The following NCOA3 variants were observed in gnomAD, a reference collection of about 807,000 sequenced individuals.
NCOA3 encodes nuclear receptor coactivator 3, also known as CBP-interacting protein.
Under a neutral mutation model 158.8 loss-of-function variants are expected in NCOA3, and 51 were observed. The observed-to-expected ratio is 0.32, with a 90% CI of 0.26 to 0.41. NCOA3 has a LOEUF of 0.41. NCOA3 is among the 10% of genes least tolerant of loss of function. The pLI is 1.00. For missense variants in NCOA3, 1,510 were observed against 1,746.6 expected (o/e 0.86, Z 2.41); for synonymous variants, 537 against 592.4 (o/e 0.91, Z 1.36).
At chr20:47,611,484 T>C (rs2086041905) in intron 2 of NCOA3, among the ~76,000 whole-genome samples, 1 of 152,188 alleles carries the variant, frequency 6.6e-6, no homozygotes, top group Non-Finnish European at 1.5e-5. Flanking sequence ...TAAAAAATGG[T>C]ACACAATACT....
intron 4 of NCOA3, 122 bp from the exon 5 acceptor site, chr20:47,625,259 T>C (rs1314489223): frequency 6.4e-6 from 4 of 629,298 alleles, no homozygotes; most frequent in Non-Finnish European, 1.1e-5. Flanking sequence ...TGAGGAAATG[T>C]TTTGTATGTA....
chr20:47,527,794 A>G (rs929680920), intron 1 of NCOA3, among the ~76,000 whole-genome samples: 4 of 152,090 alleles, frequency 2.6e-5, no homozygotes, highest in Admixed American at 2.0e-4. Context: ...ATATTCTCCT[A>G]TGTTTTAGCC....
Position 47,652,388 on chromosome 20 carries a change from CTGTTT to C in NCOA3, c.3947-16_3947-12del, listed in dbSNP as rs753126878. The C allele has an allele frequency of 1.6e-5, 25 of 1,574,624 alleles. No homozygotes were observed. The highest frequency in any genetic ancestry group is 1.7e-4 in the Middle Eastern group (1 of 5,966). The stretch of plus-strand genomic sequence containing the variant: ...AGGCATTTGGGCATTTTTATTTCTT[CTGTTT>C]TATTTTTGTAAGGAATGGGACAACA... On this transcript the variant is annotated splice_polypyrimidine_tract_variant and intron_variant, in intron 20 of 22. Coordinates refer to ENST00000371998, the MANE Select transcript of NCOA3 (RefSeq NM_181659.3).
chr20:47,608,612 C>G (rs2146272526), intron 2 of NCOA3, among the ~76,000 whole-genome samples: 1 of 145,460 alleles, frequency 6.9e-6, no homozygotes, highest in Middle Eastern at 3.6e-3. Context: ...GCACTCCAGC[C>G]TGGGTGACAG....
In NCOA3 at chr20:47,639,063, G is replaced by T; in HGVS notation, c.2568G>T (p.Val856=). 6.2e-7 allele frequency: 1 copy of T among 1,614,158 alleles called. No individual in the cohort carries two copies. The highest frequency in any genetic ancestry group is 8.5e-7 in the Non-Finnish European group (1 of 1,180,036). ...TTCGTCCTCCATATAACCGAGCAGTGTCTCTGGATAGCCCTGTTTCTGTTG... is the reference window on the plus strand; with the variant it reads ...TTCGTCCTCCATATAACCGAGCAGTTTCTCTGGATAGCCCTGTTTCTGTTG... ...QSIRPPYNRA[V]SLDSPVSVGS... is the part of the protein sequence containing the mutation. Residue 856 remains valine, a synonymous_variant, in exon 14 of 23, where the codon GTG becomes GTT. Coordinates refer to ENST00000371998, the MANE Select transcript of NCOA3 (RefSeq NM_181659.3).
intron 1 of NCOA3, among the ~76,000 whole-genome samples, chr20:47,568,852 G>A (rs2085244586): frequency 6.6e-6 from 1 of 152,028 alleles, no homozygotes; most frequent in Admixed American, 6.6e-5. Flanking sequence ...CATTTAGTAA[G>A]CTGTAAATCT....
At position 47,541,023 on chromosome 20, in the gene NCOA3, A is replaced by C. The variant is rs537875631; in HGVS notation, c.-99+39004A>C. Among the ~76,000 whole-genome samples the C allele has an allele frequency of 6.6e-5, 10 of 152,240 alleles. 1 individual carries two copies. The East Asian group carries it at 1.5e-3, about 23-fold the overall frequency. On this transcript the variant is annotated intron_variant, in intron 1 of 22. Coordinates refer to ENST00000371998, the MANE Select transcript of NCOA3 (RefSeq NM_181659.3). ...TAATTTTTTTAAATCTCCATATGAG[A>C]GTGCAGGAGCTACTACCCCAGAGAA... is the stretch of plus-strand genomic sequence containing the variant.
intron 2 of NCOA3, among the ~76,000 whole-genome samples, chr20:47,589,796 G>T (rs1302788118): frequency 6.6e-6 from 1 of 152,074 alleles, no homozygotes; most frequent in Non-Finnish European, 1.5e-5. Flanking sequence ...GTCATCTCTT[G>T]TTCAGGTTCC....
chr20:47,556,916 AAC>A (rs1297579477), intron 1 of NCOA3, among the ~76,000 whole-genome samples: 5 of 152,346 alleles, frequency 3.3e-5, no homozygotes, highest in Non-Finnish European at 5.9e-5. Context: ...TGCATATATA[AAC>A]ACACAGTTTT....
At chr20:47,528,789 T>C (rs1365496705) in intron 1 of NCOA3, among the ~76,000 whole-genome samples, 1 of 152,246 alleles carries the variant, frequency 6.6e-6, no homozygotes, top group Non-Finnish European at 1.5e-5. Flanking sequence ...CTTTTTCTTT[T>C]TGAAACGGAG....
chr20:47,605,013 G>A (rs1258489224), intron 2 of NCOA3, among the ~76,000 whole-genome samples: 1 of 152,048 alleles, frequency 6.6e-6, no homozygotes, highest in Non-Finnish European at 1.5e-5. Flanking sequence ...GACTACAGGC[G>A]CATGCCACTA....
At chr20:47,530,389 T>G (rs2084525169) in intron 1 of NCOA3, among the ~76,000 whole-genome samples, 1 of 151,984 alleles carries the variant, frequency 6.6e-6, no homozygotes, top group Admixed American at 6.6e-5. Context: ...AGGAGAAAAT[T>G]GAGACAAAGT....
At chr20:47,631,967 G>C (rs942721772) in intron 8 of NCOA3, among the ~76,000 whole-genome samples, 3 of 152,178 alleles carry the variant, frequency 2.0e-5, no homozygotes, top group Admixed American at 1.3e-4. Context: ...TCTGACATAA[G>C]CTGGGTGCCC....
At position 47,627,055 on chromosome 20, in the gene NCOA3, A is replaced by G; in HGVS notation, c.411A>G (p.Val137=). 2 of 1,613,728 alleles carry G rather than the reference A, an allele frequency of 1.2e-6. No homozygotes were observed. The highest frequency in any genetic ancestry group is 1.7e-6 in the Non-Finnish European group (2 of 1,179,712). ...VVNRDGNIVF[V]SENVTQYLQY... is the part of the protein sequence containing the mutation. The stretch of plus-strand genomic sequence containing the variant: ...ATCGAGACGGAAACATTGTATTTGT[A>G]TCAGAAAATGTCACACAATACCTGC... Residue 137 remains valine, a synonymous_variant, in exon 6 of 23, where the codon GTA becomes GTG. Transcript: ENST00000371998.
At chr20:47,527,049 C>A (rs2146097932) in intron 1 of NCOA3, among the ~76,000 whole-genome samples, 1 of 152,158 alleles carries the variant, frequency 6.6e-6, no homozygotes, top group South Asian at 2.1e-4. Context: ...GTATTTTTGC[C>A]TAATATATTA....
In NCOA3 at chr20:47,637,678, A is replaced by G. The variant is rs1194679122; in HGVS notation, c.2407A>G (p.Ile803Val). The part of the protein sequence containing the change: ...GSGDLDNLDA[I>V]LGDLTSSDFY... ...TGGAGACTTGGATAATCTAGATGCT[A>G]TTCTTGGTGATCTGACTAGTTCTGA... is the stretch of plus-strand genomic sequence containing the variant. Residue 803 changes from isoleucine to valine, a missense_variant, in exon 13 of 23, where the codon ATT (isoleucine) becomes GTT (valine). By Grantham distance (29) the Ile-to-Val change is conservative (BLOSUM62 3). Coordinates refer to ENST00000371998, the MANE Select transcript of NCOA3 (RefSeq NM_181659.3). 4 of 1,609,520 alleles carry G rather than the reference A, an allele frequency of 2.5e-6. No individual in the cohort carries two copies. The highest frequency in any genetic ancestry group is 3.4e-6 in the Non-Finnish European group (4 of 1,178,280).
chr20:47,546,322 T>C (rs1205940522), intron 1 of NCOA3, among the ~76,000 whole-genome samples: 2 of 152,180 alleles, frequency 1.3e-5, no homozygotes, highest in Non-Finnish European at 1.5e-5. Flanking sequence ...CTGTGAGTTA[T>C]TGTAATAACA....
At position 47,636,036 on chromosome 20, in the gene NCOA3, C is replaced by A. The variant is rs780207697; in HGVS notation, c.1650C>A (p.Asn550Lys). Residue 550 changes from asparagine to lysine, a missense_variant, in exon 12 of 23, where the codon AAC becomes AAA. Asn to Lys is a moderately conservative substitution (Grantham distance 94, BLOSUM62 0). This residue lies in a region of NCOA3 where 1,017 missense variants were observed against 1,098.3 expected (regional missense o/e 0.93). Transcript: ENST00000371998. ...TLSSPGPKLD[N>K]SPNMNITQPS... ...CATCACCAGGCCCCAAATTGGATAACTCTCCCAATATGAATATTACCCAAC... is the reference window on the plus strand; with the variant it reads ...CATCACCAGGCCCCAAATTGGATAAATCTCCCAATATGAATATTACCCAAC... 1.9e-6 allele frequency: 3 copies of A among 1,614,108 alleles called. No individual in the cohort carries two copies. The highest frequency in any genetic ancestry group is 2.5e-6 in the Non-Finnish European group (3 of 1,180,000).
Position 47,626,882 on chromosome 20 carries a change from T to C in NCOA3, c.358-120T>C, listed in dbSNP as rs1602506562. On this transcript the variant is annotated intron_variant, in intron 5 of 22. Coordinates refer to ENST00000371998, the MANE Select transcript of NCOA3 (RefSeq NM_181659.3). ...ATGACCTCATTTATCTTTAATTACC[T>C]CCTTGAAGGTCTTGTTTCCAAATAC... 8 of 836,008 alleles carry C rather than the reference T, an allele frequency of 9.6e-6. No individual in the cohort carries two copies. The Admixed American group carries it at 1.1e-4, about 12-fold the overall frequency. The allele number at this position is 836,008 out of a possible 1,614,324, so 51.8% of individuals were successfully genotyped here.
Sources: allele counts gnomAD v4.1 joint callset (sites outside exome capture counted in the v4.1 genomes callset), GRCh38; gene constraint gnomAD v4.1.1; regional missense constraint gnomAD v4.1.1; transcripts MANE v1.5; gene names NCBI Gene and HGNC (gene_info 2026-07-23, HGNC 2026-07-21).